The following C5 variants were observed in gnomAD, a reference collection of about 807,000 sequenced individuals.
The protein encoded by C5 is complement C5, also known as C3 and PZP-like alpha-2-macroglobulin domain-containing protein 4.
C5 carries 140 observed loss-of-function variants against 218.8 expected under a neutral mutation model. That is an observed-to-expected ratio of 0.64 (90% CI 0.56 to 0.74). The LOEUF is 0.74. Ranked by LOEUF, C5 falls within the 30% of genes least tolerant of loss-of-function variation. The pLI is 0.00. For synonymous variants in C5, 614 were observed against 682.3 expected, an observed-to-expected ratio of 0.90 and a Z score of 1.56; for missense variants, 1,700 against 1,969.6, an observed-to-expected ratio of 0.86 and a Z score of 2.59.
intron 28 of C5, among the ~76,000 whole-genome samples, chr9:120,977,198 T>C (rs972615390): frequency 6.6e-6 from 1 of 152,186 alleles, no homozygotes; most frequent in Admixed American, 6.5e-5. Context: ...CCTGACCTCA[T>C]GTGATGGGTC....
chr9:121,032,069 A>C, intron 6 of C5, 44 bp downstream of exon 6: 1 of 1,303,124 alleles, frequency 7.7e-7, no homozygotes, highest in African/African-American at 1.4e-5. Flanking sequence ...TCTCAAAAAC[A>C]AAAAACAAAA....
chr9:121,013,802 T>G, intron 17 of C5, 71 bp downstream of exon 17: 2 of 1,329,966 alleles, frequency 1.5e-6, no homozygotes, highest in Non-Finnish European at 2.2e-6. Context: ...AAAACTGCCT[T>G]TCTTAGCAGC....
chr9:121,057,996 G>A, the C5 span, among the ~76,000 whole-genome samples: 2 of 152,122 alleles, frequency 1.3e-5, no homozygotes, highest in Non-Finnish European at 2.9e-5. Context: ...TCAGTAATCA[G>A]TCTAGCAATT....
intron 7 of C5, among the ~76,000 whole-genome samples, chr9:121,028,716 T>C (rs562279419): frequency 6.6e-6 from 1 of 152,192 alleles, no homozygotes; most frequent in South Asian, 2.1e-4. Context: ...CGGGGAGGGA[T>C]AGCATTAGGA....
chr9:121,068,039 A>G, the C5 span, among the ~76,000 whole-genome samples: 1 of 152,236 alleles, frequency 6.6e-6, no homozygotes, highest in South Asian at 2.1e-4. Context: ...CATCAATGGA[A>G]AAAACCTAAA....
Position 120,974,896 on chromosome 9 carries a change from A to C in C5, c.3900T>G (p.Tyr1300Ter), listed in dbSNP as rs757328864. 6.2e-7 allele frequency: 1 copy of C among 1,614,250 alleles called. No homozygotes were observed. The highest frequency in any genetic ancestry group is 1.1e-5 in the South Asian group (1 of 91,090). Residue 1300 changes from tyrosine to a stop codon, truncating the protein, a stop_gained, in exon 30 of 41, where the codon TAT becomes TAG. Transcript: ENST00000223642. LOFTEE classifies it high-confidence loss of function. ...AGCGGAGTTGTTTAACCAGGAGTGA[A>C]TATTCCGTCAGGCCCTCAATGGCAT... ...TINAIEGLTE[Y>*]SLLVKQLRLS...
In C5 at chr9:121,015,189, C is replaced by T. The variant is rs371850097; in HGVS notation, c.2059+10G>A. ...ATAACCTTTTTACAATCACATGAAT[C>T]TTACAGTACCTATTTCTTCTATCTT... is the stretch of plus-strand genomic sequence containing the variant. On this transcript the variant is annotated intron_variant, in intron 16 of 40. Coordinates refer to ENST00000223642, the MANE Select transcript of C5 (RefSeq NM_001735.3). 35 of 1,572,088 alleles carry T rather than the reference C, an allele frequency of 2.2e-5. No homozygotes were observed. The highest frequency in any genetic ancestry group is 2.8e-5 in the Non-Finnish European group (32 of 1,143,362).
At chr9:120,977,403 A>C (rs1262626512) in intron 28 of C5, among the ~76,000 whole-genome samples, 1 of 152,196 alleles carries the variant, frequency 6.6e-6, no homozygotes, top group Admixed American at 6.5e-5. Flanking sequence ...TGAAATCTGA[A>C]ATACTTCTGG....
At chr9:120,962,308 T>A (rs1368738874) in intron 36 of C5, among the ~76,000 whole-genome samples, 1 of 152,316 alleles carries the variant, frequency 6.6e-6, no homozygotes, top group Admixed American at 6.5e-5. Context: ...AGAATATAGA[T>A]GGGCTAGAAG....
At chr9:120,960,443 C>T in intron 37 of C5, 106 bp from the exon 38 acceptor site, 1 of 739,472 alleles carries the variant, frequency 1.4e-6, no homozygotes, top group South Asian at 1.5e-5. Flanking sequence ...CCCAATATAA[C>T]CTTACAAATG....
chr9:121,050,280 C>T, upstream of C5: 4 of 1,511,316 alleles, frequency 2.6e-6, no homozygotes, highest in Non-Finnish European at 3.7e-6. Context: ...GGATATAACA[C>T]TTTTGAGGAT....
At chr9:120,953,630 G>T in intron 40 of C5, 100 bp downstream of exon 40, 1 of 1,191,020 alleles carries the variant, frequency 8.4e-7, no homozygotes, top group Non-Finnish European at 1.3e-6. Flanking sequence ...ATGGTTTGTT[G>T]GTTAAGAGCA....
At position 121,027,234 on chromosome 9, in the gene C5, T is replaced by C; in HGVS notation, c.799A>G (p.Ile267Val). 1 of 1,599,878 alleles carries C rather than the reference T, an allele frequency of 6.3e-7. No homozygotes were observed. Among genetic ancestry groups the C allele is most frequent in the Non-Finnish European group, 8.6e-7 (1 of 1,168,496 alleles). The change falls in exon 8 of 41, where the codon ATC becomes GTC. Residue 267 changes from isoleucine (I) to valine (V), a missense_variant. Transcript: ENST00000223642. ...NKVVTEADVY[I>V]TFGIREDLKD... ...AAGTCTTCTCTTATTCCAAATGTGA[T>C]ATAAACGTCAGCCTCAGTGACTACT...
upstream of C5, among the ~76,000 whole-genome samples, chr9:121,053,319 T>C (rs987147173): frequency 6.6e-6 from 1 of 152,206 alleles, no homozygotes; most frequent in Non-Finnish European, 1.5e-5. Context: ...CACGTTTTAA[T>C]CCTTTAGGAG....
intron 12 of C5, 74 bp downstream of exon 12, chr9:121,019,902 T>C: frequency 1.1e-6 from 1 of 908,934 alleles, no homozygotes; most frequent in Admixed American, 1.8e-5. Flanking sequence ...AGGATAATTC[T>C]AATGCCTCTC....
intron 4 of C5, among the ~76,000 whole-genome samples, chr9:121,036,618 T>C (rs951847847): frequency 1.3e-5 from 2 of 152,298 alleles, no homozygotes; most frequent in East Asian, 1.9e-4. Context: ...CTCACACTGT[T>C]TCTTACATGG....
At chr9:121,035,680 C>T (rs939448084) in intron 4 of C5, among the ~76,000 whole-genome samples, 2 of 151,824 alleles carry the variant, frequency 1.3e-5, no homozygotes, top group African/African-American at 2.4e-5. Context: ...AGCAATCCTC[C>T]CACCTCAGCC....
At chr9:121,063,735 T>C in the C5 span, among the ~76,000 whole-genome samples, 1 of 152,226 alleles carries the variant, frequency 6.6e-6, no homozygotes, top group Non-Finnish European at 1.5e-5. Flanking sequence ...AAAATGTTTT[T>C]GAAAAATTGT....
intron 38 of C5, among the ~76,000 whole-genome samples, chr9:120,959,318 G>A (rs1166354183): frequency 6.6e-6 from 1 of 150,934 alleles, no homozygotes; most frequent in Non-Finnish European, 1.5e-5. Context: ...GAGCGCAGTA[G>A]CACGATCTTG....
Sources: allele counts gnomAD v4.1 joint callset (sites outside exome capture counted in the v4.1 genomes callset), GRCh38; gene constraint gnomAD v4.1.1; transcripts MANE v1.5; gene names NCBI Gene and HGNC (gene_info 2026-07-23, HGNC 2026-07-21).